Variants in TAS2R1 observed in about 807,000 individuals in gnomAD.
The protein encoded by TAS2R1 is taste receptor type 2 member 1.
For missense variants in TAS2R1, 370 were observed against 353.4 expected (o/e 1.05, Z -0.38); for synonymous variants, 141 against 134.2 (o/e 1.05, Z -0.35).
intron 1 of TAS2R1, among the ~76,000 whole-genome samples, chr5:9,675,932 T>C (rs2126506361): frequency 6.6e-6 from 1 of 152,306 alleles, no homozygotes; most frequent in African/African-American, 2.4e-5. Flanking sequence ...GTCTTGCTTA[T>C]GATCTTAGAA....
chr5:9,813,988 T>G, the TAS2R1 span, among the ~76,000 whole-genome samples: 1 of 152,158 alleles, frequency 6.6e-6, no homozygotes, highest in African/African-American at 2.4e-5. Context: ...TCCAGTCTGG[T>G]TTTCAAGTTT....
At chr5:9,817,796 G>C in the TAS2R1 span, among the ~76,000 whole-genome samples, 1 of 151,890 alleles carries the variant, frequency 6.6e-6, no homozygotes, top group Non-Finnish European at 1.5e-5. Context: ...TGCTGGGGAG[G>C]CTTCAGGAAA....
the TAS2R1 span, among the ~76,000 whole-genome samples, chr5:9,866,765 T>C: frequency 4.6e-5 from 7 of 152,242 alleles, no homozygotes; most frequent in African/African-American, 1.7e-4. Flanking sequence ...TTCTCAGATG[T>C]CATTTTTGTT....
chr5:9,711,497 G>A (rs769539521), intron 1 of TAS2R1, among the ~76,000 whole-genome samples: 1 of 152,186 alleles, frequency 6.6e-6, no homozygotes, highest in Non-Finnish European at 1.5e-5. Flanking sequence ...AATGGTGGAT[G>A]CCAGGGGCTG....
At chr5:9,668,350 T>C (rs1740681526) in intron 1 of TAS2R1, among the ~76,000 whole-genome samples, 1 of 152,170 alleles carries the variant, frequency 6.6e-6, no homozygotes, top group Non-Finnish European at 1.5e-5. Flanking sequence ...GAAAATATCC[T>C]TAATTAAAAT....
chr5:9,676,304 T>A (rs188917161), intron 1 of TAS2R1, among the ~76,000 whole-genome samples: 1 of 152,204 alleles, frequency 6.6e-6, no homozygotes, highest in East Asian at 1.9e-4. Context: ...AGACAGAATA[T>A]CCAATACAAT....
At chr5:9,678,476 G>A (rs926789383) in intron 1 of TAS2R1, among the ~76,000 whole-genome samples, 1 of 152,102 alleles carries the variant, frequency 6.6e-6, no homozygotes, top group African/African-American at 2.4e-5. Context: ...AAATATACAT[G>A]CATGCATATG....
chr5:9,700,902 C>T (rs949744695), intron 1 of TAS2R1, among the ~76,000 whole-genome samples: 5 of 152,114 alleles, frequency 3.3e-5, no homozygotes, highest in Non-Finnish European at 5.9e-5. Context: ...TCTTTAAAGA[C>T]CCTGTTTCCA....
the TAS2R1 span, among the ~76,000 whole-genome samples, chr5:9,790,698 G>A: frequency 6.6e-6 from 1 of 151,896 alleles, no homozygotes; most frequent in African/African-American, 2.4e-5. Flanking sequence ...GTGTAATCTC[G>A]GCTCATTGCA....
intron 1 of TAS2R1, among the ~76,000 whole-genome samples, chr5:9,677,214 A>G (rs905432551): frequency 1.3e-5 from 2 of 152,210 alleles, no homozygotes; most frequent in African/African-American, 4.8e-5. Flanking sequence ...ATGAGAACAC[A>G]TGGACACATA....
chr5:9,810,601 T>A, the TAS2R1 span, among the ~76,000 whole-genome samples: 3 of 152,028 alleles, frequency 2.0e-5, no homozygotes, highest in African/African-American at 7.3e-5. Context: ...GAGATAAGGA[T>A]GCACAAGAGA....
chr5:9,758,322 G>A, the TAS2R1 span, among the ~76,000 whole-genome samples: 133 of 152,212 alleles, frequency 8.7e-4, 5 homozygotes, highest in South Asian at 0.022. Flanking sequence ...TGTCAGTTAC[G>A]TATACACAAA....
At chr5:9,862,117 G>C in the TAS2R1 span, among the ~76,000 whole-genome samples, 1 of 152,034 alleles carries the variant, frequency 6.6e-6, no homozygotes, top group South Asian at 2.1e-4. Context: ...ATCTGATTAC[G>C]AGGAGGGACT....
chr5:9,826,968 C>T, the TAS2R1 span, among the ~76,000 whole-genome samples: 1 of 152,138 alleles, frequency 6.6e-6, no homozygotes, highest in East Asian at 1.9e-4. Context: ...ACACACCCTC[C>T]CAGGACAATT....
At chr5:9,810,298 T>C in the TAS2R1 span, among the ~76,000 whole-genome samples, 1 of 152,238 alleles carries the variant, frequency 6.6e-6, no homozygotes, top group African/African-American at 2.4e-5. Flanking sequence ...TTCTCGTCTC[T>C]GAAAATATTC....
the TAS2R1 span, among the ~76,000 whole-genome samples, chr5:9,852,511 G>A: frequency 1.3e-5 from 2 of 152,152 alleles, no homozygotes; most frequent in African/African-American, 4.8e-5. Context: ...ATTTAATACT[G>A]TGATTGAAAC....
intron 1 of TAS2R1, among the ~76,000 whole-genome samples, chr5:9,706,740 T>C (rs999257875): frequency 1.3e-5 from 2 of 152,014 alleles, no homozygotes; most frequent in African/African-American, 4.8e-5. Context: ...ACTCATCCCA[T>C]GCTACCCGAC....
At chr5:9,663,648 C>G (rs911277347) in intron 1 of TAS2R1, among the ~76,000 whole-genome samples, 1 of 152,178 alleles carries the variant, frequency 6.6e-6, no homozygotes, top group Non-Finnish European at 1.5e-5. Flanking sequence ...AAGCTATGTG[C>G]TATTCTCAAA....
At chr5:9,821,122 T>C in the TAS2R1 span, among the ~76,000 whole-genome samples, 335 of 152,258 alleles carry the variant, frequency 2.2e-3, 1 homozygote, top group South Asian at 8.9e-3. Flanking sequence ...GTGCAAGAAC[T>C]TTATTGGTTC....
Sources: allele counts gnomAD v4.1 joint callset (sites outside exome capture counted in the v4.1 genomes callset), GRCh38; gene constraint gnomAD v4.1.1; transcripts MANE v1.5; gene names NCBI Gene and HGNC (gene_info 2026-07-23, HGNC 2026-07-21).